Variants in CSMD3 observed in about 807,000 individuals in gnomAD.
CSMD3 encodes the protein CUB and Sushi multiple domains 3, also known as CUB and sushi domain-containing protein 3.
CSMD3 carries 177 observed loss-of-function variants against 435.2 expected under a neutral mutation model. The ratio of observed to expected loss-of-function variants is 0.41; its 90% CI spans 0.36 to 0.46. The LOEUF (loss-of-function observed/expected upper bound fraction) is 0.46. Ranked by LOEUF, CSMD3 falls within the 20% of genes least tolerant of loss-of-function variation. The probability of loss-of-function intolerance (pLI) is 0.34; values close to 1 mark genes in which losing one functional copy is unlikely to be tolerated. For missense variants in CSMD3, 4,265 were observed against 4,504.6 expected, an observed-to-expected ratio of 0.95 and a Z score of 1.52; for synonymous variants, 1,656 against 1,520.5, an observed-to-expected ratio of 1.09 and a Z score of -2.07.
At chr8:112,449,152 T>A (rs984367871) in intron 32 of CSMD3, among the ~76,000 whole-genome samples, 2 of 152,198 alleles carry the variant, frequency 1.3e-5, no homozygotes, top group East Asian at 3.8e-4. Context: ...CTGAATTGGC[T>A]TAAGTGAATC....
intron 45 of CSMD3, among the ~76,000 whole-genome samples, chr8:112,320,302 C>G (rs1189383305): frequency 6.6e-5 from 10 of 152,028 alleles, no homozygotes; most frequent in Admixed American, 6.6e-4. Flanking sequence ...TGCTTACTTG[C>G]TCTGTGCCTA....
chr8:112,716,019 C>CT (rs1343618995), intron 13 of CSMD3, among the ~76,000 whole-genome samples: 1 of 152,144 alleles, frequency 6.6e-6, no homozygotes, highest in African/African-American at 2.4e-5. Context: ...TGGCACAAAA[C>CT]AAAGATGCAC....
intron 1 of CSMD3, among the ~76,000 whole-genome samples, chr8:113,409,405 T>C (rs997719613): frequency 6.6e-6 from 1 of 151,930 alleles, no homozygotes; most frequent in Non-Finnish European, 1.5e-5. Flanking sequence ...TACTACATTG[T>C]CAAGGTTTCT....
rs536534633 is a variant in CSMD3, at chr8:112,975,812, G to A, written c.1342+25C>T. 72 of 1,611,882 alleles carry A rather than the reference G, an allele frequency of 4.5e-5. 1 individual carries two copies. In the South Asian group the frequency reaches 7.6e-4, roughly 17 times the overall value. ...TATAGCTTTGGCTGTAACTAAATGG[G>A]CACAAGTAAAATAACATCCAATACC... On this transcript the variant is annotated intron_variant, in intron 7 of 70. Transcript: ENST00000297405.
chr8:112,418,255 CTTTTT>C (rs1812122520), intron 32 of CSMD3, among the ~76,000 whole-genome samples: 1 of 151,988 alleles, frequency 6.6e-6, no homozygotes, highest in African/African-American at 2.4e-5. Flanking sequence ...CTCGTATTTT[CTTTTT>C]TATTATTATT....
intron 10 of CSMD3, among the ~76,000 whole-genome samples, chr8:112,883,316 T>C (rs975872161): frequency 6.6e-6 from 1 of 152,020 alleles, no homozygotes; most frequent in African/African-American, 2.4e-5. Flanking sequence ...TGGTTTGTAA[T>C]GTCTGATTCA....
intron 5 of CSMD3, among the ~76,000 whole-genome samples, chr8:113,086,405 T>C (rs1395388111): frequency 4.6e-5 from 7 of 152,182 alleles, no homozygotes; most frequent in African/African-American, 1.7e-4. Flanking sequence ...GGTTATAAAT[T>C]GAACCTGTAG....
At chr8:113,304,071 AAAAC>A (rs1055737195) in intron 2 of CSMD3, among the ~76,000 whole-genome samples, 2 of 130,446 alleles carry the variant, frequency 1.5e-5, no homozygotes, top group African/African-American at 5.5e-5. Flanking sequence ...CTACAAGAAA[AAAAC>A]AAACAACCCC....
intron 1 of CSMD3, among the ~76,000 whole-genome samples, chr8:113,377,885 T>C (rs1022405312): frequency 6.6e-6 from 1 of 152,184 alleles, no homozygotes; most frequent in African/African-American, 2.4e-5. Context: ...AAAATATATT[T>C]TCTAAAAAAT....
At chr8:113,371,844 G>GT (rs1238987239) in intron 1 of CSMD3, among the ~76,000 whole-genome samples, 1 of 152,096 alleles carries the variant, frequency 6.6e-6, no homozygotes, top group Admixed American at 6.5e-5. Context: ...GTGAATAGTG[G>GT]TTTTTAGCTT....
chr8:112,722,544 T>C (rs1346063884), intron 13 of CSMD3, among the ~76,000 whole-genome samples: 2 of 152,150 alleles, frequency 1.3e-5, no homozygotes, highest in African/African-American at 2.4e-5. Flanking sequence ...TGTGTTTCTG[T>C]GTGCATGCAC....
intron 25 of CSMD3, among the ~76,000 whole-genome samples, chr8:112,555,911 A>G (rs16883815): frequency 0.015 from 2,339 of 152,056 alleles, 65 homozygotes; most frequent in African/African-American, 0.053. Context: ...AAAATAAAAG[A>G]TTTGAGTCAA....
intron 1 of CSMD3, among the ~76,000 whole-genome samples, chr8:113,381,557 G>A (rs887818046): frequency 6.6e-6 from 1 of 150,964 alleles, no homozygotes; most frequent in Non-Finnish European, 1.5e-5. Context: ...ATTTTAATGC[G>A]CTGTCCAATT....
At chr8:113,308,782 T>C (rs893425819) in intron 2 of CSMD3, among the ~76,000 whole-genome samples, 1 of 152,198 alleles carries the variant, frequency 6.6e-6, no homozygotes, top group Non-Finnish European at 1.5e-5. Flanking sequence ...AAGTGAACTT[T>C]ACCACCTGTA....
In CSMD3 at chr8:112,976,040, G is replaced by A. The variant is rs2130934345; in HGVS notation, c.1139C>T (p.Ser380Phe). Residue 380 changes from serine to phenylalanine, a missense_variant, in exon 7 of 71, where the codon TCC becomes TTC. Ser to Phe is a radical substitution (Grantham distance 155). Transcript: ENST00000297405. ...VASTPADVTV[S>F]SVTAVTIHRL... Reference sequence around the variant, plus strand: ...ATGGATGGTGACAGCTGTAACACTGGATACAGTAACATCTGCAGGTGTGCT... The same window carrying A: ...ATGGATGGTGACAGCTGTAACACTGAATACAGTAACATCTGCAGGTGTGCT... 1.9e-6 allele frequency: 3 copies of A among 1,614,022 alleles called. No individual in the cohort carries two copies. The highest frequency in any genetic ancestry group is 1.7e-6 in the Non-Finnish European group (2 of 1,179,946).
chr8:113,158,051 C>T lies in CSMD3; in HGVS notation c.709+15671G>A, dbSNP rs73344363. Among the ~76,000 whole-genome samples, 542 of 151,888 alleles carry T rather than the reference C, an allele frequency of 3.6e-3. 3 individuals carry two copies. The highest frequency in any genetic ancestry group is 0.012 in the African/African-American group (506 of 41,440). ...AGAAAAAGAAGGGTGGAACTTCACA[C>T]AGAAAGTATTTGTTCAAAAATACCC... On this transcript the variant is annotated intron_variant, in intron 4 of 70. Coordinates refer to ENST00000297405, the MANE Select transcript of CSMD3 (RefSeq NM_198123.2).
intron 46 of CSMD3, among the ~76,000 whole-genome samples, chr8:112,319,401 A>AT (rs933285621): frequency 5.3e-5 from 8 of 152,054 alleles, no homozygotes; most frequent in Admixed American, 2.6e-4. Flanking sequence ...TTCGTATATA[A>AT]TTTTTTTTCA....
At chr8:112,759,048 T>C (rs1459361219) in intron 13 of CSMD3, among the ~76,000 whole-genome samples, 3 of 152,150 alleles carry the variant, frequency 2.0e-5, no homozygotes, top group Non-Finnish European at 4.4e-5. Flanking sequence ...ATATATAGAT[T>C]TCTATCAGAG....
chr8:112,590,626 C>CT (rs1563739750), intron 22 of CSMD3, among the ~76,000 whole-genome samples: 1 of 151,990 alleles, frequency 6.6e-6, no homozygotes, highest in Non-Finnish European at 1.5e-5. Context: ...GTGTGAGCTG[C>CT]TTGTTCTTGT....
Sources: allele counts gnomAD v4.1 joint callset (sites outside exome capture counted in the v4.1 genomes callset), GRCh38; gene constraint gnomAD v4.1.1; transcripts MANE v1.5; gene names NCBI Gene and HGNC (gene_info 2026-07-23, HGNC 2026-07-21).